The following PPME1 variants were observed in gnomAD, a reference collection of about 807,000 sequenced individuals.
PPME1 encodes testicular secretory protein Li 39.
PPME1 carries 17 observed loss-of-function variants against 56.9 expected under a neutral mutation model. The ratio of observed to expected loss-of-function variants is 0.30; its 90% confidence interval spans 0.20 to 0.45. PPME1 has a LOEUF of 0.45. Ranked by LOEUF, PPME1 falls within the 20% of genes least tolerant of loss-of-function variation. The probability of loss-of-function intolerance (pLI) is 1.00; values close to 1 mark genes in which losing one functional copy is unlikely to be tolerated. For missense variants in PPME1, 357 were observed against 483.2 expected, an observed-to-expected ratio of 0.74 and a Z score of 2.45; for synonymous variants, 122 against 156.2, an observed-to-expected ratio of 0.78 and a Z score of 1.63.
In PPME1 at chr11:74,253,581, G is replaced by A. The variant is rs1859760181; in HGVS notation, c.*71G>A. 6.7e-7 allele frequency: 1 copy of A among 1,501,538 alleles called. No individual in the cohort carries two copies. Among genetic ancestry groups the A allele is most frequent in the South Asian group, 1.1e-5 (1 of 88,696 alleles). 93.0% of individuals were successfully genotyped at this position (1,501,538 alleles called of 1,614,324 possible). On this transcript the variant is annotated 3_prime_UTR_variant, in exon 14 of 14. Coordinates refer to ENST00000328257, the MANE Select transcript of PPME1 (RefSeq NM_016147.3). ...ACGTCGCACCAGAGGCCACTGTGAT[G>A]CCACTGTCTCCTCTCCATCCCGCCC...
intron 3 of PPME1, among the ~76,000 whole-genome samples, chr11:74,208,679 C>T (rs530375793): frequency 6.6e-6 from 1 of 152,234 alleles, no homozygotes; most frequent in Non-Finnish European, 1.5e-5. Flanking sequence ...AAGTACTTGA[C>T]TCATAAGCAC....
At chr11:74,222,478 T>A in intron 4 of PPME1, 109 bp downstream of exon 4, 1 of 979,298 alleles carries the variant, frequency 1.0e-6, no homozygotes. Context: ...CCTGGTCTAT[T>A]CCATTTGAGC....
At chr11:74,213,672 G>A (rs577436976) in intron 3 of PPME1, among the ~76,000 whole-genome samples, 1 of 152,360 alleles carries the variant, frequency 6.6e-6, no homozygotes. Context: ...TAAAGGAAGA[G>A]TGTAAGAATC....
intron 9 of PPME1, 40 bp from the exon 10 acceptor site, chr11:74,246,036 G>C: frequency 1.3e-6 from 2 of 1,559,256 alleles, no homozygotes; most frequent in Non-Finnish European, 1.7e-6. Flanking sequence ...TCCTCCAGGG[G>C]TTGCCCTCGG....
intron 4 of PPME1, among the ~76,000 whole-genome samples, chr11:74,223,976 T>C (rs1353409866): frequency 6.6e-6 from 1 of 152,134 alleles, no homozygotes; most frequent in South Asian, 2.1e-4. Context: ...TTTTGTCTTT[T>C]GTTGCCATTG....
chr11:74,204,462 T>C lies in PPME1; in HGVS notation c.288+17T>C. ...GTGTTCACGGTAAGTAGGTTGTTGA[T>C]AGTACAAGTTAATGTTAGCACTTTT... On this transcript the variant is annotated intron_variant, in intron 3 of 13. Transcript: ENST00000328257. 1 of 1,578,358 alleles carries C rather than the reference T, an allele frequency of 6.3e-7. No individual in the cohort carries two copies. The highest frequency in any genetic ancestry group is 8.7e-7 in the Non-Finnish European group (1 of 1,149,270).
intron 9 of PPME1, among the ~76,000 whole-genome samples, chr11:74,244,615 C>T (rs985196878): frequency 1.3e-5 from 2 of 152,016 alleles, no homozygotes; most frequent in Admixed American, 6.6e-5. Flanking sequence ...TCAGGTTACT[C>T]GATGTTTTTA....
chr11:74,186,734 G>T (rs1030744500), intron 1 of PPME1, among the ~76,000 whole-genome samples: 1 of 152,182 alleles, frequency 6.6e-6, no homozygotes, highest in African/African-American at 2.4e-5. Context: ...TAAATATTTA[G>T]AAGAGAAAAC....
intron 7 of PPME1, among the ~76,000 whole-genome samples, chr11:74,233,418 A>C (rs894341682): frequency 6.6e-6 from 1 of 152,036 alleles, no homozygotes; most frequent in African/African-American, 2.4e-5. Flanking sequence ...CATTTTGGCT[A>C]TTCTAGATTT....
At chr11:74,233,803 C>T (rs1859126225) in intron 7 of PPME1, among the ~76,000 whole-genome samples, 1 of 152,170 alleles carries the variant, frequency 6.6e-6, no homozygotes, top group African/African-American at 2.4e-5. Flanking sequence ...GCCTGAACAA[C>T]AGAGTGAGAC....
intron 1 of PPME1, among the ~76,000 whole-genome samples, chr11:74,191,650 C>A (rs1163154835): frequency 7.9e-5 from 12 of 152,346 alleles, no homozygotes; most frequent in African/African-American, 2.4e-4. Flanking sequence ...GGACTCTGCA[C>A]CTTGTATCCT....
chr11:74,230,993 T>C lies in PPME1; in HGVS notation c.635T>C (p.Ile212Thr). ...ACCTTCAAGTCTCTGGAGAATGCTA[T>C]TGAATGGAGGTAACCAACAAATCTT... ...PKTFKSLENAIEWSVKSGQIR... is the reference protein window; with the variant it reads ...PKTFKSLENATEWSVKSGQIR... The change falls in exon 7 of 14, where the codon ATT becomes ACT. Residue 212 changes from isoleucine to threonine, a missense_variant. Transcript: ENST00000328257. This position sits in a 1 kb window ranked among gnomAD's most constrained non-coding sequence, Gnocchi z 4.9. 1 of 1,594,764 alleles carries C rather than the reference T, an allele frequency of 6.3e-7. No homozygotes were observed. The highest frequency in any genetic ancestry group is 8.6e-7 in the Non-Finnish European group (1 of 1,169,106).
At position 74,204,340 on chromosome 11, in the gene PPME1, TA is replaced by T. The variant is rs1858265087; in HGVS notation, c.196-11del. The T allele has an allele frequency of 1.9e-6, 3 of 1,593,888 alleles. No individual in the cohort carries two copies. Among genetic ancestry groups the T allele is most frequent in the Non-Finnish European group, 2.6e-6 (3 of 1,163,132 alleles). On this transcript the variant is annotated splice_polypyrimidine_tract_variant and intron_variant, in intron 2 of 13. Transcript: ENST00000328257. ...AGCAAAAACATAGATGTTTTATCTT[TA>T]ACTATTCATACACTTTTCGAGTCTA... is the stretch of plus-strand genomic sequence containing the variant.
chr11:74,199,051 TTTG>T lies in PPME1; in HGVS notation c.102-4668_102-4666del, dbSNP rs1430542562. Among the ~76,000 whole-genome samples the T allele has an allele frequency of 2.0e-5, 3 of 152,208 alleles. 1 individual carries two copies. The highest frequency in any genetic ancestry group is 1.3e-4 in the Admixed American group (2 of 15,286). On this transcript the variant is annotated intron_variant, in intron 1 of 13. Coordinates refer to ENST00000328257, the MANE Select transcript of PPME1 (RefSeq NM_016147.3). ...TTCCCACCTCATTCCAGTTAGCTATTTTGTTGTTGTTTGTTTTCAGTGTTCCCT... is the reference window on the plus strand; with the variant it reads ...TTCCCACCTCATTCCAGTTAGCTATTTTGTTGTTTGTTTTCAGTGTTCCCT...
intron 7 of PPME1, among the ~76,000 whole-genome samples, chr11:74,232,412 G>A (rs1020521363): frequency 6.6e-6 from 1 of 152,204 alleles, no homozygotes; most frequent in Non-Finnish European, 1.5e-5. Flanking sequence ...TAGGACAAAT[G>A]GTCTTATGCA....
chr11:74,238,590 A>C (rs939922116), intron 8 of PPME1: 3 of 152,236 alleles, frequency 2.0e-5, no homozygotes, highest in African/African-American at 7.2e-5. Flanking sequence ...AGAATATAAT[A>C]AAAAGAGATG....
intron 7 of PPME1, among the ~76,000 whole-genome samples, chr11:74,234,445 G>A (rs1168816643): frequency 1.3e-5 from 2 of 152,158 alleles, no homozygotes; most frequent in Non-Finnish European, 2.9e-5. Flanking sequence ...AGCTTGGGAA[G>A]AAGAGGAAGA....
chr11:74,186,687 A>T (rs1857691524), intron 1 of PPME1, among the ~76,000 whole-genome samples: 1 of 152,224 alleles, frequency 6.6e-6, no homozygotes, highest in South Asian at 2.1e-4. Flanking sequence ...GGGATATAAG[A>T]TGCTAACAAA....
chr11:74,201,200 C>T (rs938508317), intron 1 of PPME1, among the ~76,000 whole-genome samples: 87 of 152,210 alleles, frequency 5.7e-4, no homozygotes, highest in African/African-American at 2.0e-3. Flanking sequence ...TGGTCTCGAT[C>T]TCCTGACCTC....
Sources: gnomAD v4.1 joint callset for allele counts (sites outside exome capture counted in the v4.1 genomes callset) on GRCh38, gnomAD v4.1.1 for gene constraint, Gnocchi (gnomAD v3.1) non-coding constraint, MANE v1.5 for transcripts, NCBI Gene and HGNC (gene_info 2026-07-23, HGNC 2026-07-21) for gene names.